KIAA0825: variants seen among roughly 807,000 people sequenced by gnomAD.
KIAA0825 encodes the protein KIAA0825.
KIAA0825 carries 119 observed loss-of-function variants against 147.6 expected under a neutral mutation model. The ratio of observed to expected loss-of-function variants is 0.81; its 90% CI spans 0.69 to 0.94. The LOEUF is 0.94. Ranked by LOEUF, KIAA0825 falls within the 40% of genes least tolerant of loss-of-function variation. The pLI, the probability that KIAA0825 is intolerant of heterozygous loss-of-function variation, is 0.00. For synonymous variants in KIAA0825, 470 were observed against 518.1 expected (o/e 0.91, Z 1.26); for missense variants, 1,381 against 1,472.7 (o/e 0.94, Z 1.02).
intron 20 of KIAA0825, among the ~76,000 whole-genome samples, chr5:94,360,092 T>TA (rs989381601): frequency 4.6e-5 from 7 of 152,056 alleles, no homozygotes; most frequent in African/African-American, 1.7e-4. Context: ...GTCCAGAGAA[T>TA]AAAAAATTCT....
intron 20 of KIAA0825, among the ~76,000 whole-genome samples, chr5:94,161,266 TAGC>T (rs556874026): frequency 6.6e-5 from 10 of 152,224 alleles, no homozygotes; most frequent in Non-Finnish European, 1.2e-4. Context: ...TCTAGCTTGG[TAGC>T]AGCAGTTCTG....
chr5:94,611,750 A>C (rs1371854643), intron 1 of KIAA0825, among the ~76,000 whole-genome samples: 6 of 150,942 alleles, frequency 4.0e-5, no homozygotes, highest in African/African-American at 1.5e-4. Flanking sequence ...GTTTGAGACC[A>C]GGGTGGGCAA....
chr5:94,417,533 C>G (rs908861675), intron 14 of KIAA0825, among the ~76,000 whole-genome samples, 168 bp from the exon 15 acceptor site: 1 of 151,984 alleles, frequency 6.6e-6, no homozygotes, highest in African/African-American at 2.4e-5. Context: ...TCCATCCAAC[C>G]CAATGTTGTT....
At chr5:94,531,331 C>A (rs10075161) in intron 3 of KIAA0825, among the ~76,000 whole-genome samples, 1 of 151,880 alleles carries the variant, frequency 6.6e-6, no homozygotes, top group African/African-American at 2.4e-5. Flanking sequence ...AATAATAGAA[C>A]TAATAATGAC....
chr5:94,324,152 A>G (rs1181090904), intron 20 of KIAA0825, among the ~76,000 whole-genome samples: 2 of 152,024 alleles, frequency 1.3e-5, no homozygotes, highest in Non-Finnish European at 2.9e-5. Flanking sequence ...GGCCCACACA[A>G]GAACAGGAGA....
intron 3 of KIAA0825, among the ~76,000 whole-genome samples, chr5:94,529,239 T>TGTATC (rs1287127889): frequency 2.6e-4 from 34 of 129,872 alleles, no homozygotes; most frequent in African/African-American, 5.8e-4. Flanking sequence ...TATATATGTA[T>TGTATC]ATATACATAT....
chr5:94,386,298 G>A lies in KIAA0825; in HGVS notation c.3563C>T (p.Ala1188Val), dbSNP rs1222936162. 2.6e-6 allele frequency: 4 copies of A among 1,551,330 alleles called. No individual in the cohort carries two copies. Among genetic ancestry groups the A allele is most frequent in the Non-Finnish European group, 3.5e-6 (4 of 1,146,832 alleles). Reference sequence around the variant, plus strand: ...CTTATACACATGGAAAGGGTTAAAGGCAGAAGGCTGATCTTCTATACTCCT... The same window carrying A: ...CTTATACACATGGAAAGGGTTAAAGACAGAAGGCTGATCTTCTATACTCCT... ...TLRSIEDQPS[A>V]FNPFHVYKAF... is the part of the protein sequence containing the mutation. The change falls in exon 19 of 21, where the codon GCC becomes GTC. Residue 1188 changes from alanine to valine, a missense_variant. Ala to Val is a moderately conservative substitution (Grantham distance 64). Transcript: ENST00000682413.
chr5:94,195,664 T>A (rs890919799), intron 20 of KIAA0825, among the ~76,000 whole-genome samples: 14 of 151,986 alleles, frequency 9.2e-5, no homozygotes, highest in South Asian at 2.1e-4. Context: ...TTTTTTTTTT[T>A]AAATTTAATT....
At chr5:94,450,666 C>T (rs545503080) in intron 13 of KIAA0825, among the ~76,000 whole-genome samples, 1 of 151,838 alleles carries the variant, frequency 6.6e-6, no homozygotes, top group Non-Finnish European at 1.5e-5. Flanking sequence ...TCCATTAGAC[C>T]CCACCACCCA....
intron 14 of KIAA0825, among the ~76,000 whole-genome samples, chr5:94,434,776 C>T (rs1411433016): frequency 6.6e-6 from 1 of 152,082 alleles, no homozygotes; most frequent in African/African-American, 2.4e-5. Context: ...TTAGGAACCC[C>T]CTTGAGCAAT....
intron 1 of KIAA0825, chr5:94,611,757 G>C (rs1211588466): frequency 6.6e-6 from 1 of 150,986 alleles, no homozygotes; most frequent in Non-Finnish European, 1.5e-5. Context: ...ACCAGGGTGG[G>C]CAACACAGTG....
intron 20 of KIAA0825, among the ~76,000 whole-genome samples, chr5:94,307,021 C>G (rs910671634): frequency 4.6e-5 from 7 of 151,834 alleles, no homozygotes; most frequent in Admixed American, 4.6e-4. Context: ...CAAACACCAA[C>G]ACTTGCTACT....
intron 20 of KIAA0825, among the ~76,000 whole-genome samples, chr5:94,327,813 C>T (rs558765303): frequency 6.6e-6 from 1 of 152,196 alleles, no homozygotes; most frequent in African/African-American, 2.4e-5. Context: ...CAAGACCATC[C>T]TGGCCAACAA....
At chr5:94,594,137 A>C in intron 1 of KIAA0825, 4 of 552,942 alleles carry the variant, frequency 7.2e-6, no homozygotes, top group Non-Finnish European at 1.5e-5. Context: ...TATTTTCCTG[A>C]ATATCTGCTA....
chr5:94,281,983 A>G (rs1260205895), intron 20 of KIAA0825, among the ~76,000 whole-genome samples: 2 of 152,102 alleles, frequency 1.3e-5, no homozygotes, highest in African/African-American at 4.8e-5. Context: ...ATCCCATCCC[A>G]TACCATCTGA....
chr5:94,609,142 GA>G (rs202037476), intron 1 of KIAA0825, among the ~76,000 whole-genome samples: 1,826 of 152,238 alleles, frequency 0.012, 34 homozygotes, highest in African/African-American at 0.041. Flanking sequence ...ACAATTATCT[GA>G]AAAAGCCATT....
chr5:94,415,417 C>T (rs997059797), intron 15 of KIAA0825: 3 of 151,538 alleles, frequency 2.0e-5, no homozygotes, highest in Non-Finnish European at 4.4e-5. Context: ...AAACAAAAGT[C>T]ATAGTAAAAG....
At chr5:94,233,118 A>G (rs955437565) in intron 20 of KIAA0825, among the ~76,000 whole-genome samples, 2 of 152,218 alleles carry the variant, frequency 1.3e-5, no homozygotes, top group African/African-American at 2.4e-5. Context: ...GCCGAAGGCC[A>G]GAGGCAAAAA....
chr5:94,320,736 C>G (rs557276526), intron 20 of KIAA0825, among the ~76,000 whole-genome samples: 4 of 152,138 alleles, frequency 2.6e-5, no homozygotes, highest in African/African-American at 9.6e-5. Flanking sequence ...CATTCAGACA[C>G]TCCAAATCTT....
Sources: allele counts gnomAD v4.1 joint callset (sites outside exome capture counted in the v4.1 genomes callset), GRCh38; gene constraint gnomAD v4.1.1; transcripts MANE v1.5; gene names NCBI Gene and HGNC (gene_info 2026-07-23, HGNC 2026-07-21).